Variants in PHF8 observed in about 807,000 individuals in gnomAD.
PHF8 encodes histone lysine demethylase PHF8.
Under a neutral mutation model 74.4 loss-of-function variants are expected in PHF8, and 9 were observed. The observed-to-expected ratio is 0.12, with a 90% confidence interval of 0.07 to 0.21. The LOEUF is 0.21. PHF8 is among the 10% of genes least tolerant of loss of function. PHF8 has a pLI of 1.00. For missense variants in PHF8, 478 were observed against 816.6 expected (o/e 0.59, Z 5.05); for synonymous variants, 311 against 316.6 (o/e 0.98, Z 0.19).
intron 2 of PHF8, among the ~76,000 whole-genome samples, chrX:54,041,533 C>T (rs2066556080): frequency 1.8e-5 from 2 of 111,357 alleles, no homozygotes; most frequent in South Asian, 7.5e-4. Context: ...GTACAAAGCC[C>T]CCTCAAGGTT....
chrX:53,967,202 G>A (rs1377831116), intron 18 of PHF8, among the ~76,000 whole-genome samples: 20 of 86,080 alleles, frequency 2.3e-4, no homozygotes, highest in Non-Finnish European at 3.6e-4. Context: ...GCCTCTGCCC[G>A]GCCGCCCCTA....
upstream of PHF8, among the ~76,000 whole-genome samples, chrX:54,048,150 C>G (rs2066642168): frequency 9.4e-6 from 1 of 106,034 alleles, no homozygotes; most frequent in African/African-American, 3.5e-5. Context: ...GATTGTGCCA[C>G]TGCACTCCAG....
At chrX:53,943,175 A>G (rs1433706665) in intron 20 of PHF8, 1 of 846,269 alleles carries the variant, frequency 1.2e-6, no homozygotes, top group East Asian at 4.3e-5. Flanking sequence ...TTCAAATTAC[A>G]GCTTACACTG....
chrX:54,041,147 A>C (rs2066545589), intron 2 of PHF8, among the ~76,000 whole-genome samples: 1 of 110,670 alleles, frequency 9.0e-6, no homozygotes, highest in Non-Finnish European at 1.9e-5. Flanking sequence ...TGGGAGGCTG[A>C]GGCGGGCGGA....
chrX:53,967,322 G>A (rs1603306284), intron 18 of PHF8, among the ~76,000 whole-genome samples: 1 of 98,678 alleles, frequency 1.0e-5, no homozygotes. Context: ...AGGTGGGGGG[G>A]TCAGCCCCCC....
chrX:54,006,200 G>A (rs2065895480), intron 8 of PHF8, among the ~76,000 whole-genome samples: 1 of 111,694 alleles, frequency 9.0e-6, no homozygotes, highest in South Asian at 3.7e-4. Flanking sequence ...TAAGGTTTTG[G>A]GCCCGGTGCG....
At chrX:54,043,205 AC>A (rs1252383191) in intron 1 of PHF8, 2 of 689,517 alleles carry the variant, frequency 2.9e-6, no homozygotes, top group Non-Finnish European at 3.5e-6. Context: ...GACGCAAACC[AC>A]AGCGTCAAAA....
chrX:53,998,243 C>T (rs1277194415), intron 11 of PHF8, among the ~76,000 whole-genome samples: 2 of 110,248 alleles, frequency 1.8e-5, no homozygotes, highest in Non-Finnish European at 3.8e-5. Context: ...CACTTGAGGT[C>T]AGGAGTTCGA....
At chrX:54,030,989 TATC>T (rs782409220) in intron 2 of PHF8, among the ~76,000 whole-genome samples, 3 of 112,158 alleles carry the variant, frequency 2.7e-5, no homozygotes, top group Non-Finnish European at 5.6e-5. Context: ...AAGTATTAGC[TATC>T]ATCATCATCA....
chrX:54,014,034 A>T (rs978178758), intron 7 of PHF8, among the ~76,000 whole-genome samples: 1 of 109,449 alleles, frequency 9.1e-6, no homozygotes, highest in East Asian at 2.9e-4. Flanking sequence ...CGGCTCACTG[A>T]AAGCTCCACC....
At chrX:53,995,870 A>G in intron 11 of PHF8, 88 bp from the exon 12 acceptor site, 1 of 509,975 alleles carries the variant, frequency 2.0e-6, no homozygotes. Context: ...CAATGGAGAA[A>G]GAGTAGTCTT....
At chrX:53,986,940 G>A (rs781797309) in intron 16 of PHF8, 138 bp downstream of exon 16, 1 of 471,611 alleles carries the variant, frequency 2.1e-6, no homozygotes, top group African/African-American at 2.4e-5. Flanking sequence ...AAAAATAATA[G>A]TAATAATAAA....
At chrX:53,981,544 G>A (rs1411152108) in intron 18 of PHF8, among the ~76,000 whole-genome samples, 2 of 111,185 alleles carry the variant, frequency 1.8e-5, no homozygotes, top group African/African-American at 6.5e-5. Context: ...TGCCAAAAAA[G>A]ATTGATAGGG....
intron 18 of PHF8, among the ~76,000 whole-genome samples, chrX:53,973,817 T>C (rs2065331329): frequency 9.0e-6 from 1 of 111,697 alleles, no homozygotes; most frequent in African/African-American, 3.3e-5. Context: ...ATTAAAGAGC[T>C]TCTGCACATC....
At position 54,022,848 on chromosome X, in the gene PHF8, AAAAGAG is replaced by A. The variant is rs1226668789; in HGVS notation, c.99-11_99-6del. 8.6e-7 allele frequency: 1 copy of A among 1,160,363 alleles called. No individual in the cohort carries two copies. The highest frequency in any genetic ancestry group is 1.2e-6 in the Non-Finnish European group (1 of 850,689). On this transcript the variant is annotated splice_polypyrimidine_tract_variant and splice_region_variant and intron_variant, in intron 2 of 21. Coordinates refer to ENST00000338154, the MANE Select transcript of PHF8 (RefSeq NM_015107.3). Reference sequence around the variant, plus strand: ...TCCTCTTCAACACCAACACAACTGAAAAAGAGAAAAACAGCCAAGGTTTATGGAAAT... The same window carrying A: ...TCCTCTTCAACACCAACACAACTGAAAAAAACAGCCAAGGTTTATGGAAAT...
At chrX:53,982,889 A>C (rs1000152452) in intron 18 of PHF8, among the ~76,000 whole-genome samples, 11 of 112,591 alleles carry the variant, frequency 9.8e-5, no homozygotes, top group Non-Finnish European at 3.8e-5. Flanking sequence ...AAATACAAAA[A>C]ACTATTAAAA....
At chrX:53,986,559 T>C (rs1305937748) in intron 16 of PHF8, among the ~76,000 whole-genome samples, 3 of 112,762 alleles carry the variant, frequency 2.7e-5, no homozygotes, top group Non-Finnish European at 3.7e-5. Context: ...CTATTCTGTA[T>C]TAAAGGATGT....
intron 2 of PHF8, among the ~76,000 whole-genome samples, chrX:54,025,020 G>A (rs1454023096): frequency 9.1e-6 from 1 of 110,016 alleles, no homozygotes; most frequent in East Asian, 2.8e-4. Flanking sequence ...GGGACTACAG[G>A]CGCCCACCAC....
At chrX:53,991,661 C>CAAA (rs1201744328) in intron 14 of PHF8, among the ~76,000 whole-genome samples, 17 of 16,734 alleles carry the variant, frequency 1.0e-3, no homozygotes, top group African/African-American at 2.1e-3. Flanking sequence ...GACTCTGTCT[C>CAAA]AAAAAAAAAA....
Sources: gnomAD v4.1 joint callset for allele counts (sites outside exome capture counted in the v4.1 genomes callset) on GRCh38, gnomAD v4.1.1 for gene constraint, MANE v1.5 for transcripts, NCBI Gene and HGNC (gene_info 2026-07-23, HGNC 2026-07-21) for gene names.